Variants in STXBP6 observed in about 807,000 individuals in gnomAD.
STXBP6 encodes syntaxin-binding protein 6.
Under a neutral mutation model 26.9 loss-of-function variants are expected in STXBP6, and 21 were observed. The observed-to-expected ratio is 0.78, with a 90% CI of 0.55 to 1.12. The LOEUF is 1.12. STXBP6 is among the 50% of genes most tolerant of loss of function. The probability of loss-of-function intolerance (pLI) is 0.00; values close to 1 mark genes in which losing one functional copy is unlikely to be tolerated. For missense variants in STXBP6, 232 were observed against 257.9 expected (o/e 0.90, Z 0.69); for synonymous variants, 97 against 92.6 (o/e 1.05, Z -0.27).
chr14:24,885,217 A>T (rs1296175361), intron 2 of STXBP6, among the ~76,000 whole-genome samples: 4 of 152,222 alleles, frequency 2.6e-5, no homozygotes, highest in Non-Finnish European at 5.9e-5. Context: ...CGTTGCTTTA[A>T]AAAAAGAAAA....
chr14:24,860,836 G>C (rs1331993149), intron 2 of STXBP6, among the ~76,000 whole-genome samples: 1 of 151,134 alleles, frequency 6.6e-6, no homozygotes, highest in Non-Finnish European at 1.5e-5. Context: ...AATAGCTATA[G>C]TTTTGATGTT....
At chr14:24,946,815 T>C (rs955300506) in intron 2 of STXBP6, among the ~76,000 whole-genome samples, 1 of 152,002 alleles carries the variant, frequency 6.6e-6, no homozygotes, top group Non-Finnish European at 1.5e-5. Context: ...TAGGGCAGAT[T>C]GGAGAGAAGA....
At chr14:25,008,590 T>C (rs2074958500) in intron 1 of STXBP6, among the ~76,000 whole-genome samples, 1 of 152,212 alleles carries the variant, frequency 6.6e-6, no homozygotes, top group Non-Finnish European at 1.5e-5. Context: ...TTGATAGAAC[T>C]TTAAAATTCA....
intron 1 of STXBP6, chr14:24,987,913 C>T (rs748254639): frequency 7.7e-5 from 76 of 984,026 alleles, no homozygotes; most frequent in Middle Eastern, 5.2e-4. Flanking sequence ...ATTGTCCTAA[C>T]GCTGAGGATA....
Position 25,049,229 on chromosome 14 carries a change from C to T in STXBP6, c.-33+649G>A. ...CACCTACTCCAGCCACGTTGCCCGG[C>T]GGTGTTGGTGAGGCTCGATGCCGGC... is the stretch of plus-strand genomic sequence containing the variant. On this transcript the variant is annotated intron_variant, in intron 1 of 5. Coordinates refer to ENST00000323944, the MANE Select transcript of STXBP6 (RefSeq NM_001394410.1). The surrounding 1 kb of genome is among the most constrained non-coding windows in gnomAD (Gnocchi z 5.6). 1 of 985,416 alleles carries T rather than the reference C, an allele frequency of 1.0e-6. No homozygotes were observed. The highest frequency in any genetic ancestry group is 1.2e-6 in the Non-Finnish European group (1 of 829,950). 61.0% of individuals were successfully genotyped at this position (985,416 alleles called of 1,614,324 possible).
intron 1 of STXBP6, among the ~76,000 whole-genome samples, chr14:25,041,940 C>A (rs2075650577): frequency 6.6e-6 from 1 of 152,150 alleles, no homozygotes; most frequent in African/African-American, 2.4e-5. Context: ...GAAGGTAGAA[C>A]AGGGTCTCAA....
chr14:24,973,518 TG>T (rs554384432), intron 2 of STXBP6, among the ~76,000 whole-genome samples: 396 of 151,638 alleles, frequency 2.6e-3, no homozygotes, highest in Non-Finnish European at 4.8e-3. Flanking sequence ...CCTGAGTAGC[TG>T]GGAGTACAGG....
At chr14:24,845,840 G>C (rs984096363) in intron 4 of STXBP6, among the ~76,000 whole-genome samples, 4 of 152,178 alleles carry the variant, frequency 2.6e-5, no homozygotes, top group African/African-American at 9.7e-5. Flanking sequence ...GTCAGAGACA[G>C]AGAAAGAGAT....
intron 1 of STXBP6, among the ~76,000 whole-genome samples, chr14:25,025,169 CT>C (rs537361980): frequency 1.4e-4 from 20 of 147,720 alleles, no homozygotes; most frequent in African/African-American, 3.2e-4. Flanking sequence ...CATGAGAAGG[CT>C]TTTTTTTTTA....
In STXBP6 at chr14:25,048,055, G is replaced by A. The variant is rs2075752188; in HGVS notation, c.-33+1823C>T. On this transcript the variant is annotated intron_variant, in intron 1 of 5. Transcript: ENST00000323944. ...CCAATTCTTAAAATCAAAAGAGATGGATTTGAGGATAGAGAAAGAAAAAGG... is the reference window on the plus strand; with the variant it reads ...CCAATTCTTAAAATCAAAAGAGATGAATTTGAGGATAGAGAAAGAAAAAGG... Among the ~76,000 whole-genome samples the A allele has an allele frequency of 2.6e-5, 4 of 152,182 alleles. No homozygotes were observed. In the South Asian group the frequency reaches 8.3e-4, roughly 32 times the overall value.
intron 2 of STXBP6, among the ~76,000 whole-genome samples, chr14:24,951,177 G>A (rs2073157376): frequency 6.6e-6 from 1 of 152,100 alleles, no homozygotes; most frequent in Non-Finnish European, 1.5e-5. Flanking sequence ...CTTTGCTATT[G>A]TGAATAGTGC....
intron 4 of STXBP6, among the ~76,000 whole-genome samples, chr14:24,826,153 A>C (rs1267624775): frequency 6.6e-6 from 1 of 152,202 alleles, no homozygotes; most frequent in African/African-American, 2.4e-5. Flanking sequence ...AAGTCCTTAC[A>C]TATACAAATT....
Position 24,817,877 on chromosome 14 carries a change from GA to G in STXBP6, c.609+1159del. 3.9e-5 allele frequency: 14 copies of G among 360,654 alleles called. 1 individual carries two copies. Among genetic ancestry groups the G allele is most frequent in the South Asian group, 2.7e-4 (13 of 47,942 alleles). 22.3% of individuals were successfully genotyped at this position (360,654 alleles called of 1,614,324 possible). A position where few individuals can be genotyped will look rare whatever the true frequency, so the allele number is the denominator to read the frequency against. ...TGCAGTAAGACCCTGTCACGACAGA[GA>G]ATGAATGAGATGACAAGACAGCGCT... On this transcript the variant is annotated intron_variant, in intron 5 of 5. Transcript: ENST00000323944.
intron 2 of STXBP6, among the ~76,000 whole-genome samples, chr14:24,966,523 T>G (rs1465854891): frequency 6.6e-6 from 1 of 152,190 alleles, no homozygotes; most frequent in Non-Finnish European, 1.5e-5. Flanking sequence ...CTATTTCATC[T>G]GTAAAGTAGA....
chr14:25,035,148 T>G (rs1431517110), intron 1 of STXBP6, among the ~76,000 whole-genome samples: 15 of 142,258 alleles, frequency 1.1e-4, no homozygotes, highest in Admixed American at 9.9e-4. Flanking sequence ...TGAGACTCTG[T>G]CTCCAAAAAA....
At chr14:25,026,838 A>C (rs895179075) in intron 1 of STXBP6, among the ~76,000 whole-genome samples, 4 of 152,220 alleles carry the variant, frequency 2.6e-5, no homozygotes, top group Non-Finnish European at 5.9e-5. Context: ...CATCATCACT[A>C]GCAACTGTTA....
intron 1 of STXBP6, among the ~76,000 whole-genome samples, chr14:25,028,476 T>G (rs1255123088): frequency 6.6e-6 from 1 of 151,614 alleles, no homozygotes; most frequent in Non-Finnish European, 1.5e-5. Flanking sequence ...TTACTGAATA[T>G]TTTAAGCTCA....
At chr14:24,898,374 A>G (rs1974008) in intron 2 of STXBP6, among the ~76,000 whole-genome samples, 148,133 of 152,302 alleles carry the variant, frequency 0.97, 72,047 homozygotes, top group East Asian at 1. Context: ...CTTTTTTAAC[A>G]GAGTATTGAA....
intron 1 of STXBP6, among the ~76,000 whole-genome samples, chr14:24,997,163 G>A (rs566909232): frequency 6.6e-6 from 1 of 152,242 alleles, no homozygotes; most frequent in East Asian, 1.9e-4. Context: ...TCACAGGCCA[G>A]AATCCTGTCT....
Sources: allele counts gnomAD v4.1 joint callset (sites outside exome capture counted in the v4.1 genomes callset), GRCh38; gene constraint gnomAD v4.1.1; non-coding constraint Gnocchi (gnomAD v3.1); transcripts MANE v1.5; gene names NCBI Gene and HGNC (gene_info 2026-07-23, HGNC 2026-07-21).